MCC: variants seen among roughly 807,000 people sequenced by gnomAD.
MCC encodes the protein colorectal mutant cancer protein.
A neutral mutation model predicts 116.2 loss-of-function variants in MCC; 90 were observed. That is an observed-to-expected ratio of 0.77 (90% CI 0.65 to 0.92). The LOEUF is 0.92. Among genes scored for constraint, MCC ranks in the 40% least tolerant of loss-of-function variants. The pLI is 0.00. For synonymous variants in MCC, 578 were observed against 510.5 expected, an observed-to-expected ratio of 1.13 and a Z score of -1.78; for missense variants, 1,516 against 1,312.2, an observed-to-expected ratio of 1.16 and a Z score of -2.40.
intron 3 of MCC, among the ~76,000 whole-genome samples, chr5:113,304,868 C>G (rs1162407364): frequency 6.6e-6 from 1 of 151,988 alleles, no homozygotes; most frequent in African/African-American, 2.4e-5. Flanking sequence ...AAAAATAGAT[C>G]TAGTAAAATT....
Position 113,305,247 on chromosome 5 carries a change from T to A in MCC, c.627+35272A>T, listed in dbSNP as rs79328290. ...TCCTGCCTACTTTGATAAGACAGCTTCCCTCTCCCAGCCATCCTCAGTTGT... is the reference window on the plus strand; with the variant it reads ...TCCTGCCTACTTTGATAAGACAGCTACCCTCTCCCAGCCATCCTCAGTTGT... On this transcript the variant is annotated intron_variant, in intron 3 of 18. Transcript: ENST00000408903. Among the ~76,000 whole-genome samples the A allele has an allele frequency of 2.3e-3, 356 of 152,210 alleles. 8 individuals are homozygous for A. The East Asian group carries it at 0.061, about 26-fold the overall frequency.
intron 1 of MCC, among the ~76,000 whole-genome samples, chr5:113,392,287 C>G (rs1289166033): frequency 6.6e-6 from 1 of 151,860 alleles, no homozygotes; most frequent in Admixed American, 6.6e-5. Context: ...CGTGAACAGT[C>G]AACAGAAAAG....
intron 3 of MCC, among the ~76,000 whole-genome samples, chr5:113,284,985 C>T (rs10075899): frequency 6.6e-6 from 1 of 152,144 alleles, no homozygotes; most frequent in Non-Finnish European, 1.5e-5. Flanking sequence ...CAATACTGAA[C>T]CATCAATCAA....
chr5:113,051,219 A>T (rs1412344355), intron 15 of MCC, among the ~76,000 whole-genome samples: 2 of 152,232 alleles, frequency 1.3e-5, no homozygotes, highest in African/African-American at 4.8e-5. Flanking sequence ...GACAGTTTCC[A>T]CAGAGGATGA....
intron 17 of MCC, among the ~76,000 whole-genome samples, chr5:113,032,881 C>G (rs1375676248): frequency 1.3e-5 from 2 of 152,228 alleles, no homozygotes; most frequent in Non-Finnish European, 2.9e-5. Context: ...AGCGCCACAA[C>G]AGTTTACAAA....
chr5:113,437,974 G>A (rs762850806), intron 1 of MCC, among the ~76,000 whole-genome samples: 2 of 152,132 alleles, frequency 1.3e-5, no homozygotes, highest in African/African-American at 4.8e-5. Flanking sequence ...CCCATAGGTT[G>A]GGAAGGCATC....
intron 13 of MCC, among the ~76,000 whole-genome samples, chr5:113,066,178 A>G (rs887532148): frequency 2.6e-5 from 4 of 152,212 alleles, no homozygotes; most frequent in Non-Finnish European, 5.9e-5. Flanking sequence ...AAGCTCTTTC[A>G]GCTCCTACAC....
intron 3 of MCC, among the ~76,000 whole-genome samples, chr5:113,215,813 G>A (rs143189603): frequency 6.6e-6 from 1 of 152,126 alleles, no homozygotes; most frequent in African/African-American, 2.4e-5. Flanking sequence ...TTCACTACGA[G>A]AGAGCCTCAG....
At chr5:113,074,156 A>T (rs1385935506) in intron 11 of MCC, among the ~76,000 whole-genome samples, 1 of 152,222 alleles carries the variant, frequency 6.6e-6, no homozygotes, top group Non-Finnish European at 1.5e-5. Context: ...CACCTCATAC[A>T]GCTGGGTGCC....
chr5:113,151,375 A>G lies in MCC; in HGVS notation c.675T>C (p.Leu225=). The G allele has an allele frequency of 6.2e-7, 1 of 1,613,726 alleles. No homozygotes were observed. ...LASLKGDIVE[L]NKRLQQTERE... Reference sequence around the variant, plus strand: ...TCTCTGTTTGCTGGAGACGTTTATTAAGTTCCACTATATCTCCCTTTAGTG... The same window carrying G: ...TCTCTGTTTGCTGGAGACGTTTATTGAGTTCCACTATATCTCCCTTTAGTG... Residue 225 remains leucine (L), a synonymous_variant, in exon 4 of 19, where the codon CTT becomes CTC. Coordinates refer to ENST00000408903, the MANE Select transcript of MCC (RefSeq NM_001085377.2).
intron 5 of MCC, among the ~76,000 whole-genome samples, chr5:113,138,074 T>C (rs1758946198): frequency 1.3e-5 from 2 of 151,612 alleles, no homozygotes; most frequent in African/African-American, 4.8e-5. Flanking sequence ...TGGAGTGCAG[T>C]GGTGCGACCT....
chr5:113,187,467 C>G (rs558437111), intron 3 of MCC, among the ~76,000 whole-genome samples: 1 of 152,218 alleles, frequency 6.6e-6, no homozygotes, highest in African/African-American at 2.4e-5. Context: ...CTGGGTTGTT[C>G]TGAGGATCAG....
chr5:113,108,049 A>G (rs539279025), intron 6 of MCC, among the ~76,000 whole-genome samples: 2 of 152,176 alleles, frequency 1.3e-5, no homozygotes, highest in Non-Finnish European at 2.9e-5. Flanking sequence ...TACTGTAAGG[A>G]AAGTAACCAT....
At chr5:113,214,753 G>A (rs1763249678) in intron 3 of MCC, among the ~76,000 whole-genome samples, 1 of 152,168 alleles carries the variant, frequency 6.6e-6, no homozygotes, top group South Asian at 2.1e-4. Flanking sequence ...TTTCCACACT[G>A]TAGCCAAGCG....
At chr5:113,057,394 C>T (rs905647117) in intron 14 of MCC, among the ~76,000 whole-genome samples, 4 of 151,976 alleles carry the variant, frequency 2.6e-5, no homozygotes, top group African/African-American at 7.3e-5. Context: ...AGCAACAATT[C>T]CAGGGAGAGA....
At chr5:113,331,351 C>G (rs572598141) in intron 3 of MCC, among the ~76,000 whole-genome samples, 1 of 151,842 alleles carries the variant, frequency 6.6e-6, no homozygotes, top group South Asian at 2.1e-4. Flanking sequence ...TGAAGTAGCT[C>G]TTCCTCCCAG....
intron 2 of MCC, among the ~76,000 whole-genome samples, chr5:113,377,881 A>T (rs1472503013): frequency 6.6e-6 from 1 of 152,198 alleles, no homozygotes; most frequent in Non-Finnish European, 1.5e-5. Context: ...CCTTTGACAG[A>T]GGGCTTAGAG....
intron 5 of MCC, among the ~76,000 whole-genome samples, chr5:113,124,756 A>G (rs748906186): frequency 9.2e-5 from 14 of 152,256 alleles, no homozygotes; most frequent in South Asian, 2.1e-4. Flanking sequence ...TTTCTGTGTC[A>G]CAAAATGCAA....
At chr5:113,374,376 G>A (rs1483202553) in intron 2 of MCC, among the ~76,000 whole-genome samples, 5 of 152,034 alleles carry the variant, frequency 3.3e-5, no homozygotes, top group East Asian at 1.9e-4. Flanking sequence ...CAGCTCAAAC[G>A]TCAGGAGCCC....
Sources: allele counts gnomAD v4.1 joint callset (sites outside exome capture counted in the v4.1 genomes callset), GRCh38; gene constraint gnomAD v4.1.1; transcripts MANE v1.5; gene names NCBI Gene and HGNC (gene_info 2026-07-23, HGNC 2026-07-21).